ATP8A1: variants seen among roughly 807,000 people sequenced by gnomAD.
The protein encoded by ATP8A1 is ATPase phospholipid transporting 8A1, also known as phospholipid-transporting ATPase IA.
In ATP8A1, 90 loss-of-function variants were observed where a neutral mutation model predicts 177.7. That is an observed-to-expected ratio of 0.51 (90% CI 0.43 to 0.60). ATP8A1 has a LOEUF of 0.60. ATP8A1 is among the 20% of genes least tolerant of loss of function. The pLI is 0.00. For missense variants in ATP8A1, 1,072 were observed against 1,392.8 expected, an observed-to-expected ratio of 0.77 and a Z score of 3.67; for synonymous variants, 493 against 485.9, an observed-to-expected ratio of 1.01 and a Z score of -0.19.
Position 42,586,387 on chromosome 4 carries a change from G to C in ATP8A1, c.684C>G (p.Leu228=). 6.2e-7 allele frequency: 1 copy of C among 1,614,048 alleles called. No homozygotes were observed. Among genetic ancestry groups the C allele is most frequent in the African/African-American group, 1.3e-5 (1 of 75,032 alleles). The change falls in exon 9 of 37, where the codon CTC becomes CTG. Residue 228 remains leucine (L), a synonymous_variant. Coordinates refer to ENST00000381668, the MANE Select transcript of ATP8A1 (RefSeq NM_006095.2). ...GCCTTATGTTTCCAACAAAATCGTAGAGATGTCTGTTTGGACTTTCACACT... is the reference window on the plus strand; with the variant it reads ...GCCTTATGTTTCCAACAAAATCGTACAGATGTCTGTTTGGACTTTCACACT... ...RIECESPNRH[L]YDFVGNIRLD...
chr4:42,474,014 T>C (rs1441151645), intron 25 of ATP8A1, among the ~76,000 whole-genome samples: 1 of 152,142 alleles, frequency 6.6e-6, no homozygotes, highest in African/African-American at 2.4e-5. Flanking sequence ...GACCTTCCTA[T>C]GTTGTGTGGA....
chr4:42,583,916 T>C (rs1733357652), intron 9 of ATP8A1, among the ~76,000 whole-genome samples: 2 of 152,212 alleles, frequency 1.3e-5, no homozygotes, highest in East Asian at 1.9e-4. Context: ...GTTAGGAATG[T>C]CAGACTATAG....
intron 22 of ATP8A1, among the ~76,000 whole-genome samples, chr4:42,511,276 C>A (rs780521686): frequency 1.3e-5 from 2 of 152,160 alleles, no homozygotes; most frequent in Non-Finnish European, 2.9e-5. Context: ...ACTTTGCGTG[C>A]TTTTCCTGAT....
At chr4:42,510,034 A>G (rs985461418) in intron 22 of ATP8A1, among the ~76,000 whole-genome samples, 1 of 152,118 alleles carries the variant, frequency 6.6e-6, no homozygotes, top group Non-Finnish European at 1.5e-5. Flanking sequence ...TGCTCATCTT[A>G]ATGACTCCAC....
intron 23 of ATP8A1, among the ~76,000 whole-genome samples, chr4:42,506,642 C>G (rs1351861873): frequency 6.6e-6 from 1 of 152,180 alleles, no homozygotes; most frequent in Admixed American, 6.5e-5. Context: ...GTTGCCTAAG[C>G]CACCCAGTGT....
rs1375840233 is a variant in ATP8A1 at position 42,446,437 on chromosome 4, C to G, written c.2958+146G>C. 9.4e-6 allele frequency: 6 copies of G among 640,522 alleles called. No individual in the cohort carries two copies. The African/African-American group carries it at 1.1e-4, about 12-fold the overall frequency. The allele number at this position is 640,522 out of a possible 1,614,324, so 39.7% of individuals were successfully genotyped here. A position where few individuals can be genotyped will look rare whatever the true frequency, so the allele number is the denominator to read the frequency against. On this transcript the variant is annotated intron_variant, in intron 31 of 36. Transcript: ENST00000381668. The stretch of plus-strand genomic sequence containing the variant: ...AATGAAATAAGACCCCATTATAAGC[C>G]CTGGGTCTTACTTAATTTTTAAAGG...
intron 30 of ATP8A1, among the ~76,000 whole-genome samples, chr4:42,448,982 T>C (rs1717623785): frequency 6.6e-6 from 1 of 151,760 alleles, no homozygotes; most frequent in African/African-American, 2.4e-5. Context: ...ACCACAGGCA[T>C]GCGCCTCCAC....
intron 30 of ATP8A1, 138 bp downstream of exon 30, chr4:42,451,843 T>G (rs1220598290): frequency 5.7e-6 from 3 of 527,896 alleles, no homozygotes; most frequent in South Asian, 7.6e-5. Context: ...GTGTGTACAA[T>G]TTTTGGGTGC....
Position 42,464,907 on chromosome 4 carries a change from A to C in ATP8A1, c.2494T>G (p.Tyr832Asp), listed in dbSNP as rs771077158. ...EGLQAANSSDYSIAQFKYLKN... is the reference protein window; with the variant it reads ...EGLQAANSSDDSIAQFKYLKN... ...TGACGCTTTACCTGAGCTATGGAGT[A>C]GTCAGAGGAATTAGCTGCCTGCAGG... Residue 832 changes from tyrosine (Y) to aspartate (D), a missense_variant, in exon 26 of 37, where the codon TAC becomes GAC. Tyr to Asp is a radical substitution (Grantham distance 160). Coordinates refer to ENST00000381668, the MANE Select transcript of ATP8A1 (RefSeq NM_006095.2). The C allele has an allele frequency of 6.2e-7, 1 of 1,614,214 alleles. No homozygotes were observed. Among genetic ancestry groups the C allele is most frequent in the East Asian group, 2.2e-5 (1 of 44,888 alleles).
chr4:42,481,794 C>T (rs1352630696), intron 25 of ATP8A1, among the ~76,000 whole-genome samples: 1 of 152,192 alleles, frequency 6.6e-6, no homozygotes, highest in Admixed American at 6.5e-5. Context: ...AAGGAATGGT[C>T]TATAACTTTC....
Position 42,414,611 on chromosome 4 carries a change from A to T in ATP8A1, c.3397+16T>A. ...GGCAGAGAATTTATTTAAAAATAAG[A>T]AACTCAAATACTCACGGAGCAGATT... On this transcript the variant is annotated intron_variant, in intron 36 of 36. Coordinates refer to ENST00000381668, the MANE Select transcript of ATP8A1 (RefSeq NM_006095.2). 2 of 1,603,302 alleles carry T rather than the reference A, an allele frequency of 1.2e-6. No homozygotes were observed. The highest frequency in any genetic ancestry group is 1.7e-6 in the Non-Finnish European group (2 of 1,170,254).
At chr4:42,479,633 A>G (rs1050375502) in intron 25 of ATP8A1, among the ~76,000 whole-genome samples, 1 of 152,238 alleles carries the variant, frequency 6.6e-6, no homozygotes, top group Admixed American at 6.5e-5. Context: ...GATTTTGTAA[A>G]GCTTTGGGGA....
intron 25 of ATP8A1, among the ~76,000 whole-genome samples, chr4:42,471,217 C>T (rs1720363383): frequency 6.6e-6 from 1 of 152,050 alleles, no homozygotes; most frequent in African/African-American, 2.4e-5. Flanking sequence ...AACATTCAAC[C>T]ACTTCTTACC....
intron 1 of ATP8A1, among the ~76,000 whole-genome samples, chr4:42,635,778 C>CATATATATATATATATAT (rs1279984098): frequency 5.4e-4 from 18 of 33,630 alleles, no homozygotes; most frequent in African/African-American, 7.2e-4. Context: ...CACACACACA[C>CATATATATATATATATAT]ACACATATAT....
chr4:42,420,017 A>C (rs1285963268), intron 35 of ATP8A1, among the ~76,000 whole-genome samples: 1 of 128,116 alleles, frequency 7.8e-6, no homozygotes, highest in African/African-American at 3.1e-5. Context: ...AAAAACAAAC[A>C]AACAAAAAAA....
chr4:42,568,672 A>T (rs1296179531), intron 15 of ATP8A1, among the ~76,000 whole-genome samples: 1 of 152,248 alleles, frequency 6.6e-6, no homozygotes, highest in Non-Finnish European at 1.5e-5. Context: ...TTTGGTGCAG[A>T]TTTTAAAAAC....
intron 30 of ATP8A1, among the ~76,000 whole-genome samples, chr4:42,448,618 G>A (rs1392538136): frequency 6.0e-5 from 9 of 151,170 alleles, no homozygotes; most frequent in African/African-American, 1.9e-4. Flanking sequence ...GGCTGGTCTC[G>A]AACTCCTGAC....
At chr4:42,507,480 C>A (rs1176667956) in intron 22 of ATP8A1, among the ~76,000 whole-genome samples, 1 of 151,856 alleles carries the variant, frequency 6.6e-6, no homozygotes, top group African/African-American at 2.4e-5. Flanking sequence ...GTAATCCCAG[C>A]ACTTTGGGAG....
intron 17 of ATP8A1, 87 bp downstream of exon 17, chr4:42,552,418 A>G (rs988878732): frequency 1.8e-6 from 2 of 1,136,194 alleles, no homozygotes; most frequent in Admixed American, 2.5e-5. Flanking sequence ...AAAACACTCA[A>G]TTTGGCTATC....
Sources: gnomAD v4.1 joint callset for allele counts (sites outside exome capture counted in the v4.1 genomes callset) on GRCh38, gnomAD v4.1.1 for gene constraint, MANE v1.5 for transcripts, NCBI Gene and HGNC (gene_info 2026-07-23, HGNC 2026-07-21) for gene names.